TMEM74: variants seen among roughly 807,000 people sequenced by gnomAD.
TMEM74 encodes the protein transmembrane protein 74.
In TMEM74, 13 loss-of-function variants were observed where a neutral mutation model predicts 18.1. The ratio of observed to expected loss-of-function variants is 0.72; its 90% confidence interval spans 0.47 to 1.14. TMEM74 has a LOEUF of 1.14. Ranked by LOEUF, TMEM74 falls within the 50% of genes most tolerant of loss-of-function variation. TMEM74 has a pLI of 0.00. For missense variants in TMEM74, 372 were observed against 375.9 expected, an observed-to-expected ratio of 0.99 and a Z score of 0.09; for synonymous variants, 159 against 146.6, an observed-to-expected ratio of 1.08 and a Z score of -0.61.
chr8:108,776,866 T>C (rs1468736517), downstream of TMEM74, among the ~76,000 whole-genome samples: 2 of 152,016 alleles, frequency 1.3e-5, no homozygotes, highest in Non-Finnish European at 2.9e-5. Flanking sequence ...TAAAAAAATA[T>C]TATGTTTTAT....
chr8:108,762,022 C>A (rs146821726), intron 1 of TMEM74, among the ~76,000 whole-genome samples: 6 of 152,084 alleles, frequency 3.9e-5, no homozygotes. Context: ...TTCAATCCAG[C>A]GAAGTTTAGA....
At chr8:108,769,767 A>C (rs1814150889) in intron 1 of TMEM74, among the ~76,000 whole-genome samples, 1 of 151,966 alleles carries the variant, frequency 6.6e-6, no homozygotes, top group South Asian at 2.1e-4. Flanking sequence ...TATTTTTTTA[A>C]TTCACTGCCT....
At chr8:108,681,952 T>A (rs1455854796) in intron 1 of TMEM74, among the ~76,000 whole-genome samples, 1 of 152,196 alleles carries the variant, frequency 6.6e-6, no homozygotes, top group Non-Finnish European at 1.5e-5. Flanking sequence ...ACTTCCTGCA[T>A]GATATATGTC....
At chr8:108,645,080 A>G (rs1334097766) in intron 2 of TMEM74, among the ~76,000 whole-genome samples, 1 of 152,166 alleles carries the variant, frequency 6.6e-6, no homozygotes, top group African/African-American at 2.4e-5. Context: ...TATTTTCACA[A>G]TAGCAAAGAC....
chr8:108,686,809 A>G (rs562018942), intron 1 of TMEM74, among the ~76,000 whole-genome samples: 4 of 152,212 alleles, frequency 2.6e-5, no homozygotes, highest in African/African-American at 9.6e-5. Flanking sequence ...CATGCTGCAC[A>G]TTTTTATCCT....
chr8:108,618,419 A>G (rs1466609857), intron 2 of TMEM74, among the ~76,000 whole-genome samples: 2 of 152,280 alleles, frequency 1.3e-5, no homozygotes, highest in Middle Eastern at 3.4e-3. Flanking sequence ...GTTTTGCTAC[A>G]ATCTTATTCC....
At chr8:108,787,210 G>A (rs760033143) in intron 1 of TMEM74, among the ~76,000 whole-genome samples, 7 of 152,060 alleles carry the variant, frequency 4.6e-5, no homozygotes, top group Non-Finnish European at 8.8e-5. Flanking sequence ...TCGGGGAGGC[G>A]ACCTCTGGAT....
intron 1 of TMEM74, among the ~76,000 whole-genome samples, chr8:108,714,542 C>T (rs548188309): frequency 3.9e-5 from 6 of 152,030 alleles, no homozygotes; most frequent in South Asian, 4.2e-4. Context: ...CAGATGTTGG[C>T]GAGGCAGCAA....
intron 1 of TMEM74, among the ~76,000 whole-genome samples, chr8:108,737,600 A>G (rs2130643711): frequency 6.6e-6 from 1 of 152,308 alleles, no homozygotes; most frequent in African/African-American, 2.4e-5. Context: ...ACACTAAGTC[A>G]TACTCACCCC....
chr8:108,632,150 G>A (rs187530995), intron 2 of TMEM74, among the ~76,000 whole-genome samples: 5 of 152,090 alleles, frequency 3.3e-5, no homozygotes, highest in Admixed American at 6.6e-5. Flanking sequence ...GAGAATATTG[G>A]AGAGGCTGTG....
chr8:108,673,617 G>A (rs1006311602), intron 1 of TMEM74, among the ~76,000 whole-genome samples: 2 of 152,176 alleles, frequency 1.3e-5, no homozygotes, highest in African/African-American at 4.8e-5. Flanking sequence ...GAGAGCTTTA[G>A]AAGGAAGAAA....
At chr8:108,651,172 A>C (rs1187605138) in intron 2 of TMEM74, among the ~76,000 whole-genome samples, 1 of 152,158 alleles carries the variant, frequency 6.6e-6, no homozygotes, top group African/African-American at 2.4e-5. Flanking sequence ...GATCCATAAA[A>C]ATGGGATTAA....
At chr8:108,738,212 T>A (rs758587910) in intron 1 of TMEM74, among the ~76,000 whole-genome samples, 2 of 152,196 alleles carry the variant, frequency 1.3e-5, no homozygotes, top group Non-Finnish European at 2.9e-5. Flanking sequence ...CAGTCCCACC[T>A]CTCTACTAAG....
chr8:108,642,391 C>CAAAAAA (rs34602005), intron 2 of TMEM74, among the ~76,000 whole-genome samples: 1 of 63,484 alleles, frequency 1.6e-5, no homozygotes. Flanking sequence ...GACTCCATCT[C>CAAAAAA]AAAAAAAAAA....
intron 1 of TMEM74, among the ~76,000 whole-genome samples, chr8:108,664,568 A>G (rs1312880714): frequency 6.6e-6 from 1 of 152,140 alleles, no homozygotes; most frequent in Non-Finnish European, 1.5e-5. Flanking sequence ...GTATAGAATC[A>G]TATTATCTGC....
At chr8:108,755,835 C>T (rs1813954113) in intron 1 of TMEM74, among the ~76,000 whole-genome samples, 1 of 151,734 alleles carries the variant, frequency 6.6e-6, no homozygotes, top group Admixed American at 6.6e-5. Flanking sequence ...AAATTTATTG[C>T]CATATTAAAA....
At chr8:108,768,587 T>C (rs1035798227) in intron 1 of TMEM74, among the ~76,000 whole-genome samples, 8 of 152,204 alleles carry the variant, frequency 5.3e-5, no homozygotes, top group Non-Finnish European at 1.2e-4. Context: ...AACCCAAGTG[T>C]TGTAGACTTT....
chr8:108,767,751 T>A (rs768000073), intron 1 of TMEM74, among the ~76,000 whole-genome samples: 12 of 152,146 alleles, frequency 7.9e-5, no homozygotes, highest in Non-Finnish European at 1.3e-4. Context: ...TTACTTATAT[T>A]TTCTTCTCTT....
chr8:108,638,300 G>T (rs753425292), intron 2 of TMEM74, among the ~76,000 whole-genome samples: 3 of 145,364 alleles, frequency 2.1e-5, no homozygotes, highest in Non-Finnish European at 3.1e-5. Flanking sequence ...CACCTCTAGG[G>T]GTTCAATTTC....
Sources: allele counts gnomAD v4.1 joint callset (sites outside exome capture counted in the v4.1 genomes callset), GRCh38; gene constraint gnomAD v4.1.1; transcripts MANE v1.5; gene names NCBI Gene and HGNC (gene_info 2026-07-23, HGNC 2026-07-21).